The following WASHC2C variants were observed in gnomAD, a reference collection of about 807,000 sequenced individuals.
WASHC2C encodes the protein WASH complex subunit 2C, also known as Vaccinia Penetration Factor.
Under a neutral mutation model 142.2 loss-of-function variants are expected in WASHC2C, and 73 were observed. The ratio of observed to expected loss-of-function variants is 0.51; its 90% CI spans 0.43 to 0.62. The LOEUF (loss-of-function observed/expected upper bound fraction) is 0.62. Ranked by LOEUF, WASHC2C falls within the 20% of genes least tolerant of loss-of-function variation. The pLI is 0.00. For missense variants in WASHC2C, 969 were observed against 1,531.7 expected (o/e 0.63, Z 6.13); for synonymous variants, 337 against 565.5 (o/e 0.60, Z 5.73).
At chr10:45,758,276 C>T (rs549513623) in intron 16 of WASHC2C, among the ~76,000 whole-genome samples, 4 of 152,160 alleles carry the variant, frequency 2.6e-5, no homozygotes, top group Admixed American at 2.0e-4. Flanking sequence ...TGTTAGGGTG[C>T]CCACCACACT....
chr10:45,765,651 C>T (rs1554881908), intron 18 of WASHC2C, 28 bp from the exon 19 acceptor site: 5 of 1,611,042 alleles, frequency 3.1e-6, no homozygotes, highest in Non-Finnish European at 3.4e-6. Flanking sequence ...ATAAAGTTGT[C>T]TTACCTTTCT....
rs1442275025 is a variant in WASHC2C at position 45,731,323 on chromosome 10, C to G, written c.291+2297C>G. Reference sequence around the variant, plus strand: ...GCAACATCCGCCTCCCGTGTTCAAGCAATTCTCCTGCCCACACCTCCCATG... The same window carrying G: ...GCAACATCCGCCTCCCGTGTTCAAGGAATTCTCCTGCCCACACCTCCCATG... On this transcript the variant is annotated intron_variant, in intron 3 of 30. Transcript: ENST00000623400. 3.1e-5 allele frequency among the ~76,000 whole-genome samples: 4 copies of G among 131,018 alleles called. No homozygotes were observed. The East Asian group carries it at 8.7e-4, about 28-fold the overall frequency. 86.0% of individuals were successfully genotyped at this position (131,018 alleles called of 152,430 possible). A position where few individuals can be genotyped will look rare whatever the true frequency, so the allele number is the denominator to read the frequency against.
upstream of WASHC2C, chr10:45,727,209 C>G (rs1472073818): frequency 1.3e-6 from 2 of 1,491,888 alleles, no homozygotes; most frequent in African/African-American, 1.4e-5. Flanking sequence ...CATCAGGTCA[C>G]GTGAGGCCGG....
intron 5 of WASHC2C, 32 bp from the exon 6 acceptor site, chr10:45,743,358 G>A (rs782402116): frequency 6.2e-7 from 1 of 1,611,924 alleles, no homozygotes; most frequent in Non-Finnish European, 8.5e-7. Flanking sequence ...CAACTGAAAT[G>A]TTTGACAGCC....
chr10:45,792,759 T>A lies in WASHC2C; in HGVS notation c.*359T>A. 2.0e-6 allele frequency: 1 copy of A among 507,252 alleles called. No homozygotes were observed. 31.4% of individuals were successfully genotyped at this position (507,252 alleles called of 1,614,324 possible). On this transcript the variant is annotated 3_prime_UTR_variant, in exon 31 of 31. Transcript: ENST00000623400. ...GCCACCTGACCAGAAGTCTTTGTTA[T>A]ATGGATGGGAACCCTAACTTAGGGC...
intron 5 of WASHC2C, among the ~76,000 whole-genome samples, chr10:45,741,085 TTACAG>T (rs1185650279): frequency 6.6e-6 from 1 of 151,660 alleles, no homozygotes. Context: ...GTAGCTGGGA[TTACAG>T]GCGCCCACCA....
intron 17 of WASHC2C, among the ~76,000 whole-genome samples, chr10:45,762,246 CT>C (rs1341094595): frequency 6.6e-6 from 1 of 152,004 alleles, no homozygotes; most frequent in African/African-American, 2.4e-5. Context: ...AAATTATACT[CT>C]TTTTGCCTAG....
intron 25 of WASHC2C, among the ~76,000 whole-genome samples, chr10:45,785,251 GCCT>G (rs2057944984): frequency 1.3e-5 from 2 of 152,128 alleles, no homozygotes; most frequent in Non-Finnish European, 2.9e-5. Context: ...CTGAGTTTTA[GCCT>G]TTCTATGTCA....
intron 20 of WASHC2C, among the ~76,000 whole-genome samples, chr10:45,772,473 T>C (rs1442118664): frequency 2.6e-5 from 4 of 152,026 alleles, no homozygotes; most frequent in Non-Finnish European, 5.9e-5. Context: ...TCCTAACTGA[T>C]TGGGAGGCCA....
Position 45,737,899 on chromosome 10 carries a change from T to C in WASHC2C, c.292-84T>C, listed in dbSNP as rs1437085486. The C allele has an allele frequency of 3.1e-6, 5 of 1,611,562 alleles. No homozygotes were observed. The East Asian group carries it at 8.9e-5, about 29-fold the overall frequency. On this transcript the variant is annotated intron_variant, in intron 3 of 30. Transcript: ENST00000623400. ...ACCATTTCCTTCCGCATCTTTGTCC[T>C]TAGTTACTGTGTGAATTCTTATATT...
At chr10:45,747,765 G>A (rs1434737758) in intron 8 of WASHC2C, among the ~76,000 whole-genome samples, 1 of 150,426 alleles carries the variant, frequency 6.6e-6, no homozygotes, top group East Asian at 2.0e-4. Context: ...CTAATTTTTT[G>A]TATTTTTAGT....
intron 14 of WASHC2C, 121 bp downstream of exon 14, chr10:45,754,666 T>G (rs2054019102): frequency 1.9e-5 from 19 of 1,013,448 alleles, no homozygotes; most frequent in Non-Finnish European, 2.6e-5. Flanking sequence ...CAAAGGGCTT[T>G]GAGCATCTTA....
At chr10:45,737,853 G>A in intron 3 of WASHC2C, 130 bp from the exon 4 acceptor site, 1 of 1,593,966 alleles carries the variant, frequency 6.3e-7, no homozygotes, top group Non-Finnish European at 8.6e-7. Flanking sequence ...CCTGGTAGTG[G>A]TCTCAGCCCT....
intron 29 of WASHC2C, among the ~76,000 whole-genome samples, chr10:45,789,797 C>T (rs2058288724): frequency 6.6e-6 from 1 of 152,174 alleles, no homozygotes. Flanking sequence ...GGGCATGCCA[C>T]TCGGTGACAT....
chr10:45,745,241 G>GA lies in WASHC2C; in HGVS notation c.684+365dup, dbSNP rs1345977619. On this transcript the variant is annotated intron_variant, in intron 7 of 30. Transcript: ENST00000623400. ...ATTCCGTCTTTGAATAATTCTAAGG[G>GA]AAAAAATCTACATTTAGAACTTTTG... 7.9e-5 allele frequency among the ~76,000 whole-genome samples: 12 copies of GA among 152,098 alleles called. No homozygotes were observed. The East Asian group carries it at 1.4e-3, about 17-fold the overall frequency.
chr10:45,776,161 CTCT>C (rs2057060440), intron 21 of WASHC2C, among the ~76,000 whole-genome samples: 1 of 152,012 alleles, frequency 6.6e-6, no homozygotes, highest in South Asian at 2.1e-4. Flanking sequence ...TCCCCTTGCT[CTCT>C]TCTTTCTTCA....
At chr10:45,731,483 G>T (rs1276264503) in intron 3 of WASHC2C, among the ~76,000 whole-genome samples, 2 of 144,610 alleles carry the variant, frequency 1.4e-5, no homozygotes, top group Admixed American at 7.0e-5. Flanking sequence ...TGCAACCTCC[G>T]CCTCCCGGGT....
intron 15 of WASHC2C, among the ~76,000 whole-genome samples, chr10:45,755,422 A>G (rs1473023893): frequency 1.3e-5 from 2 of 152,246 alleles, no homozygotes; most frequent in Non-Finnish European, 2.9e-5. Context: ...TAAAGTTTTA[A>G]TCATCCTTTC....
intron 26 of WASHC2C, 93 bp downstream of exon 26, chr10:45,785,724 T>G: frequency 1.2e-6 from 2 of 1,605,194 alleles, no homozygotes; most frequent in Non-Finnish European, 1.7e-6. Context: ...TAGACTTGTC[T>G]GCATTAAGGA....
Sources: allele counts gnomAD v4.1 joint callset (sites outside exome capture counted in the v4.1 genomes callset), GRCh38; gene constraint gnomAD v4.1.1; transcripts MANE v1.5; gene names NCBI Gene and HGNC (gene_info 2026-07-23, HGNC 2026-07-21).